Variants in QSOX1 observed in about 807,000 individuals in gnomAD.
QSOX1 encodes quiescin sulfhydryl oxidase 1, also known as sulfhydryl oxidase 1.
QSOX1 carries 40 observed loss-of-function variants against 76.1 expected under a neutral mutation model. That is an observed-to-expected ratio of 0.53 (90% CI 0.41 to 0.68). The LOEUF is 0.68. QSOX1 is among the 30% of genes least tolerant of loss of function. QSOX1 has a pLI of 0.00. For synonymous variants in QSOX1, 392 were observed against 413.1 expected (o/e 0.95, Z 0.62); for missense variants, 931 against 974.3 (o/e 0.96, Z 0.59).
At chr1:180,169,141 C>T (rs1558185248) in intron 2 of QSOX1, among the ~76,000 whole-genome samples, 1 of 152,228 alleles carries the variant, frequency 6.6e-6, no homozygotes, top group South Asian at 2.1e-4. Flanking sequence ...TGTCAGGTCC[C>T]CATCAGGTTG....
intron 2 of QSOX1, among the ~76,000 whole-genome samples, chr1:180,170,196 G>A (rs1330444992): frequency 1.3e-5 from 2 of 152,182 alleles, no homozygotes; most frequent in Non-Finnish European, 2.9e-5. Context: ...GTTACCTTCT[G>A]TGGCTTTTGC....
At chr1:180,193,759 A>G (rs376643988) in intron 10 of QSOX1, among the ~76,000 whole-genome samples, 1 of 152,050 alleles carries the variant, frequency 6.6e-6, no homozygotes, top group East Asian at 1.9e-4. Context: ...TAGGAAGGGC[A>G]TGTGCAGGCC....
intron 6 of QSOX1, among the ~76,000 whole-genome samples, chr1:180,183,590 AC>A (rs1663093717): frequency 6.6e-6 from 1 of 152,144 alleles, no homozygotes; most frequent in African/African-American, 2.4e-5. Context: ...GTCTGTGGGC[AC>A]CGGGCTGTCC....
Position 180,178,844 on chromosome 1 carries a change from C to T in QSOX1, c.566C>T (p.Ala189Val), listed in dbSNP as rs760523395. Residue 189 changes from alanine (A) to valine (V), a missense_variant, in exon 5 of 12, where the codon GCT becomes GTT. Transcript: ENST00000367602. ...GCGAGAAATAACGAAGAGTACCTGGCTCTGATCTTTGAAAAGGGAGGCTCC... is the reference window on the plus strand; with the variant it reads ...GCGAGAAATAACGAAGAGTACCTGGTTCTGATCTTTGAAAAGGGAGGCTCC... ...FFARNNEEYL[A>V]LIFEKGGSYL... is the part of the protein sequence containing the mutation. 1 of 1,613,994 alleles carries T rather than the reference C, an allele frequency of 6.2e-7. No homozygotes were observed. The highest frequency in any genetic ancestry group is 1.1e-5 in the South Asian group (1 of 91,090).
At position 180,174,999 on chromosome 1, in the gene QSOX1, CA is replaced by C. The variant is rs112165407; in HGVS notation, c.367-314del. 0.022 allele frequency among the ~76,000 whole-genome samples: 3,338 copies of C among 151,576 alleles called. 187 individuals are homozygous for C. The East Asian group carries it at 0.23, about 10-fold the overall frequency. ...ACCCCATCTCTACTAAAAATACACA[CA>C]AAAAAAATTAGTCGAGTGTGGTGGT... On this transcript the variant is annotated intron_variant, in intron 2 of 11. Transcript: ENST00000367602.
intron 9 of QSOX1, 138 bp downstream of exon 9, chr1:180,189,812 C>A: frequency 1.1e-6 from 1 of 929,232 alleles, no homozygotes; most frequent in Non-Finnish European, 1.6e-6. Context: ...TAACAATAAT[C>A]AATAAATGAC....
Position 180,178,904 on chromosome 1 carries a change from C to T in QSOX1, c.606+20C>T. On this transcript the variant is annotated intron_variant, in intron 5 of 11. Coordinates refer to ENST00000367602, the MANE Select transcript of QSOX1 (RefSeq NM_002826.5). ...AGAGAGGTGAGCTGCCCTGAAGTTCCCTGCAATTCTTGGATAGCCATGGAG... is the reference window on the plus strand; with the variant it reads ...AGAGAGGTGAGCTGCCCTGAAGTTCTCTGCAATTCTTGGATAGCCATGGAG... 1 of 1,599,804 alleles carries T rather than the reference C, an allele frequency of 6.3e-7. No individual in the cohort carries two copies. Among genetic ancestry groups the T allele is most frequent in the Non-Finnish European group, 8.6e-7 (1 of 1,167,200 alleles).
chr1:180,175,400 C>T (rs765101579), intron 3 of QSOX1, 34 bp downstream of exon 3: 1 of 1,604,638 alleles, frequency 6.2e-7, no homozygotes, highest in African/African-American at 1.3e-5. Context: ...CTGTTAGCAT[C>T]TTCCTCCCCC....
rs1572034478 is a variant in QSOX1 at position 180,155,105 on chromosome 1, C to T, written c.198C>T (p.Phe66=). ...GCAGCGCCTGGGCCGTGGAGTTCTT[C>T]GCCTCCTGGTGCGGCCACTGCATCG... The part of the protein sequence containing the change: ...GSRSAWAVEF[F]ASWCGHCIAF... The change falls in exon 1 of 12, where the codon TTC becomes TTT. Residue 66 remains phenylalanine, a synonymous_variant. Coordinates refer to ENST00000367602, the MANE Select transcript of QSOX1 (RefSeq NM_002826.5). 6.6e-7 allele frequency: 1 copy of T among 1,523,190 alleles called. No homozygotes were observed. The highest frequency in any genetic ancestry group is 8.8e-7 in the Non-Finnish European group (1 of 1,140,476). The allele number at this position is 1,523,190 out of a possible 1,614,324, so 94.4% of individuals were successfully genotyped here. A position where few individuals can be genotyped will look rare whatever the true frequency, so the allele number is the denominator to read the frequency against.
chr1:180,177,616 G>C (rs1398752853), intron 4 of QSOX1, among the ~76,000 whole-genome samples: 8 of 152,192 alleles, frequency 5.3e-5, no homozygotes, highest in African/African-American at 1.9e-4. Flanking sequence ...AAGGTGAGCT[G>C]CCTCTTCTGA....
chr1:180,175,626 C>T (rs1326679691), intron 3 of QSOX1, among the ~76,000 whole-genome samples: 1 of 152,174 alleles, frequency 6.6e-6, no homozygotes, highest in Non-Finnish European at 1.5e-5. Context: ...CCCAGAAGAG[C>T]TCTTCTGTCA....
At position 180,201,834 on chromosome 1, in the gene QSOX1, TC is replaced by T. The variant is rs1663642491; in HGVS notation, c.*4799del. ...AGGGGCTGGGCCATGGGACCCCAGT[TC>T]CTGGGGTCTCGGTGACACAGTTCAC... is the stretch of plus-strand genomic sequence containing the variant. On this transcript the variant is annotated 3_prime_UTR_variant, in exon 12 of 12. Coordinates refer to ENST00000367602, the MANE Select transcript of QSOX1 (RefSeq NM_002826.5). The T allele has an allele frequency of 6.6e-6, 1 of 152,118 alleles. No homozygotes were observed. The highest frequency in any genetic ancestry group is 6.5e-5 in the Admixed American group (1 of 15,276). 9.4% of individuals were successfully genotyped at this position (152,118 alleles called of 1,614,324 possible). A position where few individuals can be genotyped will look rare whatever the true frequency, so the allele number is the denominator to read the frequency against.
At chr1:180,171,482 T>C (rs4147168) in intron 2 of QSOX1, among the ~76,000 whole-genome samples, 150,028 of 151,348 alleles carry the variant, frequency 0.99, 74,376 homozygotes, top group East Asian at 1. Flanking sequence ...GTGGAGGCCA[T>C]CAGGAAGAAC....
At chr1:180,189,970 G>A (rs1663269972) in intron 9 of QSOX1, among the ~76,000 whole-genome samples, 1 of 152,322 alleles carries the variant, frequency 6.6e-6, no homozygotes, top group Middle Eastern at 3.4e-3. Context: ...TAAGTGTTTG[G>A]GCTGGGATGA....
At position 180,193,060 on chromosome 1, in the gene QSOX1, G is replaced by A. The variant is rs577265397; in HGVS notation, c.1289-1153G>A. ...GTGTCGGTGGAGTAGTGGAGGTAATGGCCTTGTTGGATTCGGCTGAAGAGA... is the reference window on the plus strand; with the variant it reads ...GTGTCGGTGGAGTAGTGGAGGTAATAGCCTTGTTGGATTCGGCTGAAGAGA... On this transcript the variant is annotated intron_variant, in intron 10 of 11. Transcript: ENST00000367602. Among the ~76,000 whole-genome samples the A allele has an allele frequency of 5.9e-5, 9 of 152,194 alleles. No individual in the cohort carries two copies. In the East Asian group the frequency reaches 1.6e-3, roughly 26 times the overall value.
chr1:180,196,580 T>G lies in QSOX1; in HGVS notation c.1787T>G (p.Val596Gly). Residue 596 changes from valine (V) to glycine (G), a missense_variant, in exon 12 of 12, where the codon GTG becomes GGG. Coordinates refer to ENST00000367602, the MANE Select transcript of QSOX1 (RefSeq NM_002826.5). The surrounding 1 kb of genome is among the most constrained non-coding windows in gnomAD (Gnocchi z 4.1). ...MKSPTNTTPHVPAEGPEASRP... is the reference protein window; with the variant it reads ...MKSPTNTTPHGPAEGPEASRP... ...TCCCCCACAAACACCACCCCACATG[T>G]GCCGGCTGAGGGACCTGAGGCAAGT... 1 of 1,614,158 alleles carries G rather than the reference T, an allele frequency of 6.2e-7. No individual in the cohort carries two copies. Among genetic ancestry groups the G allele is most frequent in the Non-Finnish European group, 8.5e-7 (1 of 1,180,042 alleles).
intron 2 of QSOX1, among the ~76,000 whole-genome samples, chr1:180,170,032 G>A (rs1662725263): frequency 6.6e-6 from 1 of 152,216 alleles, no homozygotes; most frequent in South Asian, 2.1e-4. Flanking sequence ...CTGTGGGCAG[G>A]GCGAGGTGGC....
At position 180,197,501 on chromosome 1, in the gene QSOX1, A is replaced by G. The variant is rs1351299584; in HGVS notation, c.*464A>G. On this transcript the variant is annotated 3_prime_UTR_variant, in exon 12 of 12. Transcript: ENST00000367602. The stretch of plus-strand genomic sequence containing the variant: ...CGCCCACCCTGCTCCCTTCCGGACA[A>G]TGAAGAAGCCTTTGCACCCTGGGAG... 1.7e-6 allele frequency: 2 copies of G among 1,175,062 alleles called. No individual in the cohort carries two copies. Among genetic ancestry groups the G allele is most frequent in the African/African-American group, 1.5e-5 (1 of 65,612 alleles). The allele number at this position is 1,175,062 out of a possible 1,614,324, so 72.8% of individuals were successfully genotyped here. A position where few individuals can be genotyped will look rare whatever the true frequency, so the allele number is the denominator to read the frequency against.
chr1:180,191,381 G>A (rs1286314756), intron 10 of QSOX1, among the ~76,000 whole-genome samples: 3 of 152,236 alleles, frequency 2.0e-5, no homozygotes, highest in Admixed American at 6.5e-5. Context: ...GAGGCCTTAC[G>A]GGGTGAGTTG....
Sources: allele counts gnomAD v4.1 joint callset (sites outside exome capture counted in the v4.1 genomes callset), GRCh38; gene constraint gnomAD v4.1.1; non-coding constraint Gnocchi (gnomAD v3.1); transcripts MANE v1.5; gene names NCBI Gene and HGNC (gene_info 2026-07-23, HGNC 2026-07-21).